Variants in DPM1 observed in about 807,000 individuals in gnomAD.
The protein encoded by DPM1 is dolichol-phosphate mannosyltransferase subunit 1.
Under a neutral mutation model 39.0 loss-of-function variants are expected in DPM1, and 27 were observed. That is an observed-to-expected ratio of 0.69 (90% CI 0.51 to 0.95). DPM1 has a LOEUF of 0.95. DPM1 is among the 40% of genes least tolerant of loss of function. DPM1 has a pLI of 0.00. For synonymous variants in DPM1, 124 were observed against 109.0 expected, an observed-to-expected ratio of 1.14 and a Z score of -0.86; for missense variants, 307 against 315.6, an observed-to-expected ratio of 0.97 and a Z score of 0.21.
At chr20:50,946,160 C>G (rs189815595) in intron 3 of DPM1, among the ~76,000 whole-genome samples, 35 of 152,304 alleles carry the variant, frequency 2.3e-4, no homozygotes, top group African/African-American at 8.2e-4. Flanking sequence ...TAGATCATAC[C>G]TCTATTTCAG....
At chr20:50,937,818 G>GTTA (rs145740815) in intron 7 of DPM1, among the ~76,000 whole-genome samples, 248 of 151,706 alleles carry the variant, frequency 1.6e-3, no homozygotes, top group African/African-American at 5.6e-3. Flanking sequence ...AACTTTTAAA[G>GTTA]TTATTATTAT....
intron 2 of DPM1, 67 bp downstream of exon 2, chr20:50,955,119 G>T: frequency 8.5e-7 from 1 of 1,171,538 alleles, no homozygotes; most frequent in Non-Finnish European, 1.3e-6. Flanking sequence ...TTTAAGCATT[G>T]TTCATGTCTC....
intron 2 of DPM1, among the ~76,000 whole-genome samples, chr20:50,953,682 A>C (rs1400008818): frequency 6.6e-6 from 1 of 152,172 alleles, no homozygotes; most frequent in Non-Finnish European, 1.5e-5. Flanking sequence ...GTTGTTCCAA[A>C]ATTTGAAAGG....
intron 5 of DPM1, chr20:50,944,773 T>C (rs1037794500): frequency 1.3e-5 from 2 of 152,246 alleles, no homozygotes; most frequent in Admixed American, 6.5e-5. Flanking sequence ...TTTAATTATA[T>C]TGCCTACAAA....
chr20:50,935,260 C>T lies in DPM1; in HGVS notation c.679-24G>A, dbSNP rs199537770. On this transcript the variant is annotated intron_variant, in intron 8 of 8. Coordinates refer to ENST00000371588, the MANE Select transcript of DPM1 (RefSeq NM_003859.3). ...ACCTAGTTTAAAAAAAAAAAAGTAACGTTAGTCTTTAAAAACAATTAGGCA... is the reference window on the plus strand; with the variant it reads ...ACCTAGTTTAAAAAAAAAAAAGTAATGTTAGTCTTTAAAAACAATTAGGCA... 7.2e-6 allele frequency: 10 copies of T among 1,382,770 alleles called. No individual in the cohort carries two copies. The East Asian group carries it at 9.2e-5, about 13-fold the overall frequency. The allele number at this position is 1,382,770 out of a possible 1,614,324, so 85.7% of individuals were successfully genotyped here. A position where few individuals can be genotyped will look rare whatever the true frequency, so the allele number is the denominator to read the frequency against.
At chr20:50,955,312 AC>A in intron 1 of DPM1, 27 bp from the exon 2 acceptor site, 1 of 1,473,818 alleles carries the variant, frequency 6.8e-7, no homozygotes, top group Non-Finnish European at 9.5e-7. Flanking sequence ...TGTATTAATG[AC>A]TGATGACAGT....
intron 2 of DPM1, 78 bp from the exon 3 acceptor site, chr20:50,948,740 C>T (rs1986422001): frequency 1.6e-6 from 2 of 1,252,824 alleles, no homozygotes; most frequent in Non-Finnish European, 1.2e-6. Flanking sequence ...TTCAAAAGTG[C>T]ATACTCACTT....
intron 7 of DPM1, 83 bp downstream of exon 7, chr20:50,940,772 CAAGGTAGAAA>C: frequency 9.1e-7 from 1 of 1,093,786 alleles, no homozygotes; most frequent in Non-Finnish European, 1.4e-6. Context: ...AGAATAAAAA[CAAGGTAGAAA>C]TGTAAAGTGT....
chr20:50,943,133 C>T (rs1439105887), intron 5 of DPM1, among the ~76,000 whole-genome samples: 1 of 152,068 alleles, frequency 6.6e-6, no homozygotes, highest in African/African-American at 2.4e-5. Flanking sequence ...TGAGACTGCG[C>T]CACTGCACTC....
intron 7 of DPM1, among the ~76,000 whole-genome samples, chr20:50,939,908 T>G (rs1161359411): frequency 6.6e-6 from 1 of 152,174 alleles, no homozygotes; most frequent in Non-Finnish European, 1.5e-5. Context: ...CCACTGCCCA[T>G]CCACCAGCCA....
chr20:50,942,488 A>T (rs1044354904), intron 5 of DPM1, among the ~76,000 whole-genome samples: 6 of 148,608 alleles, frequency 4.0e-5, no homozygotes, highest in African/African-American at 1.5e-4. Context: ...GGGCAACAAG[A>T]GTGAGACTCC....
intron 7 of DPM1, among the ~76,000 whole-genome samples, chr20:50,939,744 G>T (rs1985547241): frequency 6.6e-6 from 1 of 152,130 alleles, no homozygotes; most frequent in African/African-American, 2.4e-5. Context: ...CTCCTGAGTA[G>T]CTGGGATTAC....
At chr20:50,941,246 A>ATATG (rs1985727706) in intron 6 of DPM1, 1 of 167,450 alleles carries the variant, frequency 6.0e-6, no homozygotes, top group Admixed American at 6.9e-5. Flanking sequence ...ATATATATAT[A>ATATG]TATATATATA....
intron 2 of DPM1, among the ~76,000 whole-genome samples, chr20:50,953,555 TAATG>T (rs1370816275): frequency 1.3e-5 from 2 of 152,218 alleles, no homozygotes; most frequent in African/African-American, 4.8e-5. Context: ...TGTCATAAAA[TAATG>T]AATGAATAAG....
chr20:50,939,386 G>A (rs1254938752), intron 7 of DPM1, among the ~76,000 whole-genome samples: 1 of 150,542 alleles, frequency 6.6e-6, no homozygotes, highest in Non-Finnish European at 1.5e-5. Flanking sequence ...TTTTTTTTTA[G>A]ACGGAGTCCC....
At chr20:50,948,773 G>A (rs1986424028) in intron 2 of DPM1, 111 bp from the exon 3 acceptor site, 2 of 988,780 alleles carry the variant, frequency 2.0e-6, no homozygotes, top group South Asian at 2.7e-5. Context: ...AGTTGCACTT[G>A]TTAGAACTTA....
At chr20:50,944,116 T>G (rs1986109221) in intron 5 of DPM1, among the ~76,000 whole-genome samples, 1 of 152,256 alleles carries the variant, frequency 6.6e-6, no homozygotes, top group African/African-American at 2.4e-5. Context: ...TATAGCAACT[T>G]ATACTTCCTT....
intron 7 of DPM1, among the ~76,000 whole-genome samples, chr20:50,937,226 T>C (rs561346852): frequency 3.3e-5 from 5 of 152,246 alleles, no homozygotes; most frequent in African/African-American, 1.2e-4. Flanking sequence ...CCACATTTTT[T>C]TTCCCTCAGA....
Position 50,954,384 on chromosome 20 carries a change from G to A in DPM1, c.261+802C>T, listed in dbSNP as rs77917054. ...ATCTAGTGAGAAGAGTCCAGATGCG[G>A]TGCTGAACATCCTACAATAAACACG... On this transcript the variant is annotated intron_variant, in intron 2 of 8. Coordinates refer to ENST00000371588, the MANE Select transcript of DPM1 (RefSeq NM_003859.3). Among the ~76,000 whole-genome samples the A allele has an allele frequency of 6.7e-3, 1,024 of 152,194 alleles. 6 individuals carry two copies. Among genetic ancestry groups the A allele is most frequent in the African/African-American group, 0.019 (797 of 41,496 alleles).
Sources: allele counts gnomAD v4.1 joint callset (sites outside exome capture counted in the v4.1 genomes callset), GRCh38; gene constraint gnomAD v4.1.1; transcripts MANE v1.5; gene names NCBI Gene and HGNC (gene_info 2026-07-23, HGNC 2026-07-21).